Variants in IGFL2 observed in about 807,000 individuals in gnomAD.
The protein encoded by IGFL2 is IGF like family member 2.
IGFL2 carries 7 observed loss-of-function variants against 13.9 expected under a neutral mutation model. The ratio of observed to expected loss-of-function variants is 0.51; its 90% confidence interval spans 0.29 to 0.95. IGFL2 has a LOEUF of 0.95. IGFL2 is among the 40% of genes least tolerant of loss of function. The pLI is 0.08. For synonymous variants in IGFL2, 55 were observed against 55.8 expected (o/e 0.99, Z 0.07); for missense variants, 138 against 147.8 (o/e 0.93, Z 0.34).
upstream of IGFL2, among the ~76,000 whole-genome samples, chr19:46,142,307 A>G (rs926007181): frequency 1.3e-5 from 2 of 152,214 alleles, no homozygotes; most frequent in Non-Finnish European, 2.9e-5. Context: ...TTAAGTGACA[A>G]AAATAATAAT....
chr19:46,186,617 C>T, the IGFL2 span, among the ~76,000 whole-genome samples: 2 of 152,318 alleles, frequency 1.3e-5, no homozygotes, highest in South Asian at 4.1e-4. Flanking sequence ...AGTCACTTGT[C>T]CTCCTTCCCC....
the IGFL2 span, among the ~76,000 whole-genome samples, chr19:46,107,636 CAG>C: frequency 6.6e-6 from 1 of 152,094 alleles, no homozygotes; most frequent in African/African-American, 2.4e-5. Context: ...AATTGCAACT[CAG>C]AAATATGTTG....
the IGFL2 span, chr19:46,136,670 A>G: frequency 6.8e-6 from 3 of 443,658 alleles, no homozygotes; most frequent in Middle Eastern, 4.0e-4. Context: ...AAAATATATA[A>G]AATAATGCAA....
At chr19:46,133,301 T>C in the IGFL2 span, among the ~76,000 whole-genome samples, 1 of 152,202 alleles carries the variant, frequency 6.6e-6, no homozygotes, top group Non-Finnish European at 1.5e-5. Context: ...GAGGGCCGCT[T>C]GCTAGCAGTC....
At chr19:46,168,317 A>G in the IGFL2 span, among the ~76,000 whole-genome samples, 1 of 152,226 alleles carries the variant, frequency 6.6e-6, no homozygotes, top group Non-Finnish European at 1.5e-5. Flanking sequence ...TTGAGTTTGG[A>G]CAGGCAGTTG....
chr19:46,168,141 C>A, the IGFL2 span, among the ~76,000 whole-genome samples: 7 of 152,174 alleles, frequency 4.6e-5, no homozygotes, highest in African/African-American at 1.4e-4. Flanking sequence ...CGCTGTGTTG[C>A]CCATCTTGGT....
the IGFL2 span, chr19:46,195,027 T>A: frequency 1.3e-5 from 2 of 149,104 alleles, no homozygotes; most frequent in African/African-American, 4.9e-5. Context: ...GACTTTTTTT[T>A]TTTTTTGATA....
At chr19:46,195,701 T>C in the IGFL2 span, 2 of 152,162 alleles carry the variant, frequency 1.3e-5, no homozygotes, top group Non-Finnish European at 2.9e-5. Flanking sequence ...GAGCTCACAC[T>C]GTGGGCACCT....
the IGFL2 span, among the ~76,000 whole-genome samples, chr19:46,132,585 A>T: frequency 1.3e-5 from 2 of 151,876 alleles, no homozygotes; most frequent in South Asian, 2.1e-4. Context: ...AGGGGTTTTG[A>T]ATAGAGTTAC....
At chr19:46,095,677 G>A in the IGFL2 span, among the ~76,000 whole-genome samples, 4 of 151,870 alleles carry the variant, frequency 2.6e-5, no homozygotes, top group South Asian at 2.1e-4. Flanking sequence ...CTTAAGTCTC[G>A]AATCCAATCC....
the IGFL2 span, among the ~76,000 whole-genome samples, chr19:46,093,390 T>C: frequency 6.6e-6 from 1 of 152,182 alleles, no homozygotes; most frequent in South Asian, 2.1e-4. Flanking sequence ...ACTAGAAATA[T>C]CAGGGACCTT....
At chr19:46,133,258 C>T in the IGFL2 span, among the ~76,000 whole-genome samples, 1 of 152,176 alleles carries the variant, frequency 6.6e-6, no homozygotes, top group African/African-American at 2.4e-5. Context: ...GACAAAGGAT[C>T]TCTCAGCAAG....
At chr19:46,109,923 C>T in the IGFL2 span, among the ~76,000 whole-genome samples, 6 of 148,200 alleles carry the variant, frequency 4.0e-5, no homozygotes, top group African/African-American at 1.2e-4. Context: ...TGGATGTATA[C>T]ATGCGGGTCA....
chr19:46,119,376 A>C, the IGFL2 span, among the ~76,000 whole-genome samples: 1 of 152,158 alleles, frequency 6.6e-6, no homozygotes, highest in African/African-American at 2.4e-5. Flanking sequence ...CCAGCTGCCC[A>C]GAGGTCTGAG....
the IGFL2 span, among the ~76,000 whole-genome samples, chr19:46,182,702 G>A: frequency 2.6e-5 from 4 of 152,068 alleles, no homozygotes; most frequent in Non-Finnish European, 5.9e-5. Context: ...GTGTCAGATC[G>A]TCCCTTTTCA....
chr19:46,095,356 G>A, the IGFL2 span, among the ~76,000 whole-genome samples: 17 of 151,928 alleles, frequency 1.1e-4, 1 homozygote, highest in Admixed American at 1.1e-3. Flanking sequence ...TATATCCTTT[G>A]CCTACTTTTT....
At chr19:46,187,478 C>T in the IGFL2 span, among the ~76,000 whole-genome samples, 9 of 140,976 alleles carry the variant, frequency 6.4e-5, no homozygotes, top group Admixed American at 2.8e-4. Context: ...AAGCATTAAC[C>T]CGTTTAAACC....
chr19:46,082,113 T>A, the IGFL2 span, among the ~76,000 whole-genome samples: 1 of 152,220 alleles, frequency 6.6e-6, no homozygotes, highest in Non-Finnish European at 1.5e-5. Context: ...TTAGTACTAT[T>A]CATGTCCTTG....
upstream of IGFL2, among the ~76,000 whole-genome samples, chr19:46,145,634 G>GTGTGTGTATT (rs1420653507): frequency 1.4e-5 from 2 of 147,656 alleles, no homozygotes; most frequent in African/African-American, 5.0e-5. Context: ...GTGTGTGTGT[G>GTGTGTGTATT]TATTTATTTA....
Sources: gnomAD v4.1 joint callset for allele counts (sites outside exome capture counted in the v4.1 genomes callset) on GRCh38, gnomAD v4.1.1 for gene constraint, MANE v1.5 for transcripts, NCBI Gene and HGNC (gene_info 2026-07-23, HGNC 2026-07-21) for gene names.